The following DNAH9 variants were observed in gnomAD, a reference collection of about 807,000 sequenced individuals.
The protein encoded by DNAH9 is dynein axonemal heavy chain 9.
DNAH9 carries 345 observed loss-of-function variants against 471.6 expected under a neutral mutation model. The ratio of observed to expected loss-of-function variants is 0.73; its 90% CI spans 0.67 to 0.80. The LOEUF (loss-of-function observed/expected upper bound fraction) is 0.80, where lower values mean the gene tolerates loss of function less well. Ranked by LOEUF, DNAH9 falls within the 30% of genes least tolerant of loss-of-function variation. DNAH9 has a pLI of 0.00. For missense variants in DNAH9, 5,407 were observed against 5,609.2 expected, an observed-to-expected ratio of 0.96 and a Z score of 1.15; for synonymous variants, 2,093 against 2,123.6, an observed-to-expected ratio of 0.99 and a Z score of 0.40.
chr17:11,798,869 C>T (rs927309749), intron 43 of DNAH9, among the ~76,000 whole-genome samples: 17 of 152,062 alleles, frequency 1.1e-4, no homozygotes, highest in African/African-American at 3.9e-4. Flanking sequence ...ACCCCCAGTC[C>T]CCCACCCCAA....
chr17:11,656,121 T>A (rs975381100), intron 14 of DNAH9, among the ~76,000 whole-genome samples: 2 of 152,174 alleles, frequency 1.3e-5, no homozygotes, highest in Non-Finnish European at 2.9e-5. Context: ...GTACTTTTAG[T>A]TCTTTCAGGA....
At chr17:11,608,642 A>G (rs1333998071) in intron 2 of DNAH9, among the ~76,000 whole-genome samples, 4 of 152,100 alleles carry the variant, frequency 2.6e-5, no homozygotes, top group Non-Finnish European at 5.9e-5. Flanking sequence ...ATAGTGTCTC[A>G]TCATTGGCAA....
At chr17:11,837,127 A>C (rs528801477) in intron 49 of DNAH9, among the ~76,000 whole-genome samples, 2 of 152,362 alleles carry the variant, frequency 1.3e-5, no homozygotes, top group Non-Finnish European at 2.9e-5. Context: ...TTCTGTTTCC[A>C]CAAAACTGCA....
At chr17:11,681,472 G>T (rs114522365) in intron 19 of DNAH9, among the ~76,000 whole-genome samples, 3 of 152,124 alleles carry the variant, frequency 2.0e-5, no homozygotes, top group Admixed American at 6.6e-5. Context: ...ATTTCCTCCC[G>T]TGGTGAAGCG....
Position 11,961,877 on chromosome 17 carries a change from CTA to C in DNAH9, c.12856_12857del (p.Met4286AspfsTer22), listed in dbSNP as rs1209135241. 4 of 1,607,480 alleles carry C rather than the reference CTA, an allele frequency of 2.5e-6. No homozygotes were observed. In the African/African-American group the frequency reaches 4.0e-5, roughly 16 times the overall value. On this transcript the variant is annotated frameshift_variant, in exon 68 of 69. Coordinates refer to ENST00000262442, the MANE Select transcript of DNAH9 (RefSeq NM_001372.4). LOFTEE classifies it high-confidence loss of function. ...ATTCTTTATCTTCAGGGGGAGCTGACTATGACCAGCCACATGGAGAACTTACA... is the reference window on the plus strand; with the variant it reads ...ATTCTTTATCTTCAGGGGGAGCTGACTGACCAGCCACATGGAGAACTTACA...
chr17:11,694,215 T>C (rs2074387986), intron 21 of DNAH9, 106 bp from the exon 22 acceptor site: 1 of 1,343,636 alleles, frequency 7.4e-7, no homozygotes, highest in Admixed American at 1.9e-5. Flanking sequence ...TTTCTTGTGC[T>C]AATGCATATG....
In DNAH9 at chr17:11,693,911, T is replaced by A; in HGVS notation, c.4658T>A (p.Leu1553Gln). Residue 1553 changes from leucine (L) to glutamine (Q), a missense_variant, in exon 21 of 69, where the codon CTA (leucine) becomes CAA (glutamine). By Grantham distance (113) the Leu-to-Gln change is moderately radical (BLOSUM62 -2). This residue lies in a region of DNAH9 where 4,636 missense variants were observed against 4,900.3 expected (regional missense o/e 0.95). Transcript: ENST00000262442. ...GGCATCGACATTGACTTTAAAGAGC[T>A]AGCTTATGATGCCCAGAAAATTCCA... The part of the protein sequence containing the change: ...FEGIDIDFKE[L>Q]AYDAQKIPNV... 6.2e-7 allele frequency: 1 copy of A among 1,614,096 alleles called. No individual in the cohort carries two copies. The highest frequency in any genetic ancestry group is 8.5e-7 in the Non-Finnish European group (1 of 1,179,988).
At chr17:11,838,994 C>CT (rs960462512) in intron 49 of DNAH9, among the ~76,000 whole-genome samples, 1 of 152,148 alleles carries the variant, frequency 6.6e-6, no homozygotes, top group African/African-American at 2.4e-5. Context: ...TCTCTGCACA[C>CT]TTTAAGTCTC....
rs139430098 is a variant in DNAH9, at chr17:11,749,783, A to T, written c.6610+2017A>T. Among the ~76,000 whole-genome samples, 578 of 152,168 alleles carry T rather than the reference A, an allele frequency of 3.8e-3. 6 individuals are homozygous for T. The highest frequency in any genetic ancestry group is 0.013 in the African/African-American group (551 of 41,514). On this transcript the variant is annotated intron_variant, in intron 32 of 68. Coordinates refer to ENST00000262442, the MANE Select transcript of DNAH9 (RefSeq NM_001372.4). ...ACCAGCTTGTCATTTACTAAATTGCATATGTATATTGAGATCTGATTCTGG... is the reference window on the plus strand; with the variant it reads ...ACCAGCTTGTCATTTACTAAATTGCTTATGTATATTGAGATCTGATTCTGG...
At chr17:11,662,732 T>C (rs1185928445) in intron 14 of DNAH9, among the ~76,000 whole-genome samples, 3 of 147,640 alleles carry the variant, frequency 2.0e-5, no homozygotes, top group Non-Finnish European at 3.0e-5. Context: ...ATCACCTTGA[T>C]CCTGTTGAGG....
intron 6 of DNAH9, among the ~76,000 whole-genome samples, chr17:11,620,630 A>G (rs1317485068): frequency 1.3e-5 from 2 of 152,234 alleles, no homozygotes; most frequent in East Asian, 3.9e-4. Flanking sequence ...CCATTTAGGA[A>G]GAAGGCCCAA....
rs377032791 is a variant in DNAH9, at chr17:11,719,472, G to A, written c.5691G>A (p.Ser1897=). ...LGILVYVFNC[S]EQMDYKSCGN... is the part of the protein sequence containing the mutation. ...TCCTGGTCTATGTGTTCAACTGCTC[G>A]GAGCAGATGGATTACAAGGTACAGT... The change falls in exon 27 of 69, where the codon TCG becomes TCA. Residue 1897 remains serine (S), a synonymous_variant. Transcript: ENST00000262442. 1.7e-4 allele frequency: 271 copies of A among 1,613,400 alleles called. 4 individuals carry two copies. In the South Asian group the frequency reaches 2.3e-3, roughly 14 times the overall value.
intron 30 of DNAH9, among the ~76,000 whole-genome samples, chr17:11,743,871 C>A (rs552091961): frequency 6.6e-6 from 1 of 151,798 alleles, no homozygotes; most frequent in Middle Eastern, 3.4e-3. Flanking sequence ...CCTCTGTCGC[C>A]CAGGGTGGAG....
chr17:11,829,132 A>G (rs931910143), intron 48 of DNAH9, among the ~76,000 whole-genome samples: 1 of 152,232 alleles, frequency 6.6e-6, no homozygotes, highest in Admixed American at 6.5e-5. Flanking sequence ...TGATTCTTCT[A>G]GTAAAAATGG....
At chr17:11,887,318 A>G (rs990446474) in intron 57 of DNAH9, among the ~76,000 whole-genome samples, 3 of 152,230 alleles carry the variant, frequency 2.0e-5, no homozygotes, top group Non-Finnish European at 1.5e-5. Context: ...AGCTTAAAAT[A>G]TAATAGACAA....
intron 26 of DNAH9, among the ~76,000 whole-genome samples, chr17:11,709,171 C>T (rs181498481): frequency 2.1e-4 from 32 of 152,184 alleles, no homozygotes; most frequent in East Asian, 9.6e-4. Context: ...GGTAAAGTTT[C>T]GACAATGCAT....
intron 53 of DNAH9, among the ~76,000 whole-genome samples, chr17:11,876,471 TAAAAA>T (rs1158471784): frequency 6.6e-6 from 1 of 150,688 alleles, no homozygotes; most frequent in East Asian, 2.0e-4. Flanking sequence ...AAATTGAAGT[TAAAAA>T]AAAGGGAAAA....
intron 61 of DNAH9, among the ~76,000 whole-genome samples, chr17:11,913,333 C>T (rs1973846387): frequency 6.6e-6 from 1 of 152,036 alleles, no homozygotes; most frequent in Non-Finnish European, 1.5e-5. Context: ...GTTTTTATTT[C>T]TCTTTGAGTC....
At chr17:11,775,760 A>G (rs1368197268) in intron 38 of DNAH9, among the ~76,000 whole-genome samples, 3 of 151,694 alleles carry the variant, frequency 2.0e-5, no homozygotes, top group Non-Finnish European at 4.4e-5. Context: ...ACCCGCCACC[A>G]TGCCCGGCTA....
Sources: allele counts gnomAD v4.1 joint callset (sites outside exome capture counted in the v4.1 genomes callset), GRCh38; gene constraint gnomAD v4.1.1; regional missense constraint gnomAD v4.1.1; transcripts MANE v1.5; gene names NCBI Gene and HGNC (gene_info 2026-07-23, HGNC 2026-07-21).